SMOC2: variants seen among roughly 807,000 people sequenced by gnomAD.
SMOC2 encodes the protein SPARC-related modular calcium-binding protein 2.
In SMOC2, 39 loss-of-function variants were observed where a neutral mutation model predicts 61.4. The observed-to-expected ratio is 0.64, with a 90% CI of 0.49 to 0.83. The LOEUF is 0.83. Among genes scored for constraint, SMOC2 ranks in the 40% least tolerant of loss-of-function variants. SMOC2 has a pLI of 0.00. For missense variants in SMOC2, 556 were observed against 592.9 expected (o/e 0.94, Z 0.65); for synonymous variants, 247 against 239.9 (o/e 1.03, Z -0.27).
chr6:168,649,542 G>A (rs1249915904), intron 9 of SMOC2, among the ~76,000 whole-genome samples: 1 of 152,158 alleles, frequency 6.6e-6, no homozygotes, highest in African/African-American at 2.4e-5. Flanking sequence ...CTGAACTCTG[G>A]AAGGGCTTTC....
intron 8 of SMOC2, among the ~76,000 whole-genome samples, chr6:168,602,879 C>T (rs1785588042): frequency 6.6e-6 from 1 of 152,092 alleles, no homozygotes; most frequent in African/African-American, 2.4e-5. Context: ...TTGTTTCAGG[C>T]AGAGGGCAGG....
intron 8 of SMOC2, 101 bp from the exon 9 acceptor site, chr6:168,608,056 T>C (rs1276930620): frequency 9.8e-7 from 1 of 1,023,334 alleles, no homozygotes; most frequent in African/African-American, 1.6e-5. Flanking sequence ...CAGGTCACGG[T>C]GTATGCTAGG....
intron 7 of SMOC2, among the ~76,000 whole-genome samples, chr6:168,576,879 C>T (rs1360243133): frequency 6.8e-6 from 1 of 148,140 alleles, no homozygotes; most frequent in Non-Finnish European, 1.5e-5. Flanking sequence ...CAGTCACAGA[C>T]ATCTACACGC....
intron 7 of SMOC2, among the ~76,000 whole-genome samples, chr6:168,568,249 C>G (rs188314591): frequency 6.6e-6 from 1 of 152,220 alleles, no homozygotes; most frequent in Non-Finnish European, 1.5e-5. Context: ...GCATTTAGCG[C>G]GTCTTCTCAT....
intron 8 of SMOC2, among the ~76,000 whole-genome samples, chr6:168,601,630 C>A (rs1785557016): frequency 6.6e-6 from 1 of 152,156 alleles, no homozygotes; most frequent in African/African-American, 2.4e-5. Flanking sequence ...GGGGCAGCCC[C>A]AGCCCCCAGT....
chr6:168,470,266 A>G (rs1304530583), intron 1 of SMOC2, among the ~76,000 whole-genome samples: 2 of 151,730 alleles, frequency 1.3e-5, no homozygotes, highest in African/African-American at 2.4e-5. Flanking sequence ...ATAGTTTCCT[A>G]CTCTTTCCGT....
At chr6:168,599,781 C>T (rs1325271656) in intron 8 of SMOC2, among the ~76,000 whole-genome samples, 4 of 95,270 alleles carry the variant, frequency 4.2e-5, no homozygotes, top group Admixed American at 2.6e-4. Flanking sequence ...CCCCCCCACA[C>T]ACAAACATAC....
chr6:168,479,925 A>G (rs1782170327), intron 1 of SMOC2, among the ~76,000 whole-genome samples: 2 of 152,156 alleles, frequency 1.3e-5, no homozygotes, highest in South Asian at 2.1e-4. Flanking sequence ...GAAGCCAGAC[A>G]TTAAAGACTA....
chr6:168,511,503 T>G (rs755230386), intron 2 of SMOC2, among the ~76,000 whole-genome samples: 6 of 152,160 alleles, frequency 3.9e-5, no homozygotes, highest in Non-Finnish European at 7.4e-5. Flanking sequence ...ACCAGGTCCC[T>G]CCCATGACAC....
At chr6:168,574,326 C>T (rs754782880) in intron 7 of SMOC2, among the ~76,000 whole-genome samples, 4 of 152,178 alleles carry the variant, frequency 2.6e-5, no homozygotes, top group South Asian at 2.1e-4. Flanking sequence ...GGTCAGCAGC[C>T]ATCCTGGAAC....
chr6:168,616,228 C>G (rs2001543), intron 9 of SMOC2, among the ~76,000 whole-genome samples: 3,243 of 152,304 alleles, frequency 0.021, 93 homozygotes, highest in African/African-American at 0.073. Flanking sequence ...GAGCTGGGAA[C>G]AAAGCTTCAG....
At chr6:168,518,900 C>G (rs188088492) in intron 2 of SMOC2, among the ~76,000 whole-genome samples, 4 of 145,080 alleles carry the variant, frequency 2.8e-5, no homozygotes, top group Non-Finnish European at 6.0e-5. Flanking sequence ...CGTGTGTGTG[C>G]GTGCATGTGT....
At chr6:168,596,774 C>T (rs77586423) in intron 7 of SMOC2, among the ~76,000 whole-genome samples, 3 of 152,208 alleles carry the variant, frequency 2.0e-5, no homozygotes, top group African/African-American at 4.8e-5. Flanking sequence ...CCAGTTTCCT[C>T]GTTATCGTTG....
At chr6:168,450,529 C>A (rs547348169) in intron 1 of SMOC2, among the ~76,000 whole-genome samples, 4 of 152,294 alleles carry the variant, frequency 2.6e-5, no homozygotes, top group Non-Finnish European at 4.4e-5. Flanking sequence ...GTTCCTCTAC[C>A]CCTTTCTTCT....
chr6:168,515,741 CTGG>C (rs1229743294), intron 2 of SMOC2, among the ~76,000 whole-genome samples: 2 of 78,432 alleles, frequency 2.5e-5, no homozygotes. Context: ...ATAGGGGCTC[CTGG>C]GGAGCAGGAG....
chr6:168,607,546 C>T (rs1264337601), intron 8 of SMOC2, among the ~76,000 whole-genome samples: 3 of 151,936 alleles, frequency 2.0e-5, no homozygotes, highest in African/African-American at 4.8e-5. Flanking sequence ...AGGACTTAAC[C>T]TGCAGTTTGT....
intron 7 of SMOC2, among the ~76,000 whole-genome samples, chr6:168,575,796 G>A (rs1784789013): frequency 6.6e-6 from 1 of 152,234 alleles, no homozygotes; most frequent in African/African-American, 2.4e-5. Context: ...TCCAGTGGCT[G>A]CTCCAGACTG....
chr6:168,629,252 G>A (rs1786501002), intron 9 of SMOC2, among the ~76,000 whole-genome samples: 1 of 152,246 alleles, frequency 6.6e-6, no homozygotes, highest in African/African-American at 2.4e-5. Context: ...CTTGGCTTCA[G>A]GGTCTCCGAC....
chr6:168,582,723 G>A (rs12529916), intron 7 of SMOC2, among the ~76,000 whole-genome samples: 3,782 of 152,310 alleles, frequency 0.025, 119 homozygotes, highest in Admixed American at 0.076. Context: ...TGGGAGGAGT[G>A]CGTCACGCGG....
Sources: gnomAD v4.1 joint callset for allele counts (sites outside exome capture counted in the v4.1 genomes callset) on GRCh38, gnomAD v4.1.1 for gene constraint, MANE v1.5 for transcripts, NCBI Gene and HGNC (gene_info 2026-07-23, HGNC 2026-07-21) for gene names.